The following PLEKHA5 variants were observed in gnomAD, a reference collection of about 807,000 sequenced individuals.
PLEKHA5 encodes the protein pleckstrin homology domain-containing family A member 5.
Under a neutral mutation model 181.9 loss-of-function variants are expected in PLEKHA5, and 55 were observed. That is an observed-to-expected ratio of 0.30 (90% confidence interval 0.24 to 0.38). The LOEUF is 0.38. PLEKHA5 is among the 10% of genes least tolerant of loss of function. The probability of loss-of-function intolerance (pLI) is 1.00; values close to 1 mark genes in which losing one functional copy is unlikely to be tolerated. For synonymous variants in PLEKHA5, 535 were observed against 529.4 expected (o/e 1.01, Z -0.15); for missense variants, 1,432 against 1,549.5 (o/e 0.92, Z 1.27).
chr12:19,333,219 A>T (rs1346929299), intron 20 of PLEKHA5, among the ~76,000 whole-genome samples: 3 of 152,036 alleles, frequency 2.0e-5, no homozygotes, highest in Non-Finnish European at 1.5e-5. Context: ...CAGGAGGCAG[A>T]GGTTGCGATG....
intron 30 of PLEKHA5, among the ~76,000 whole-genome samples, chr12:19,368,779 C>T (rs1336145096): frequency 6.6e-6 from 1 of 151,884 alleles, no homozygotes; most frequent in Non-Finnish European, 1.5e-5. Context: ...CAACAAAGAG[C>T]GAAATTCTGT....
intron 15 of PLEKHA5, chr12:19,306,760 A>T: frequency 1.0e-6 from 1 of 993,734 alleles, no homozygotes; most frequent in Non-Finnish European, 1.6e-6. Flanking sequence ...ACCTTTGCCA[A>T]TCGCAATCTC....
At chr12:19,194,840 A>G (rs1168431778) in intron 3 of PLEKHA5, among the ~76,000 whole-genome samples, 1 of 152,222 alleles carries the variant, frequency 6.6e-6, no homozygotes, top group African/African-American at 2.4e-5. Context: ...ATTCTACTGA[A>G]TTGGCTTTGT....
chr12:19,337,605 G>A (rs1661015745), intron 21 of PLEKHA5, among the ~76,000 whole-genome samples: 1 of 151,056 alleles, frequency 6.6e-6, no homozygotes. Context: ...GTTGCTCTGA[G>A]GAACGCAGAT....
rs925047370 is a variant in PLEKHA5 at position 19,210,970 on chromosome 12, A to G, written c.228-42970A>G. Among the ~76,000 whole-genome samples, 5 of 152,266 alleles carry G rather than the reference A, an allele frequency of 3.3e-5. No individual in the cohort carries two copies. The East Asian group carries it at 5.8e-4, about 18-fold the overall frequency. ...TTATAAATTTTAACAATGACATTCA[A>G]TAGAGTTACTGCTGTAAATCTAGAC... is the stretch of plus-strand genomic sequence containing the variant. On this transcript the variant is annotated intron_variant, in intron 3 of 31. Coordinates refer to ENST00000429027, the MANE Select transcript of PLEKHA5 (RefSeq NM_001256470.2).
rs1592654797 is a variant in PLEKHA5, at chr12:19,366,241, C to G, written c.3754+132C>G. The G allele has an allele frequency of 7.2e-6, 5 of 694,826 alleles. No homozygotes were observed. In the East Asian group the frequency reaches 1.4e-4, roughly 20 times the overall value. 43.0% of individuals were successfully genotyped at this position (694,826 alleles called of 1,614,324 possible). A position where few individuals can be genotyped will look rare whatever the true frequency, so the allele number is the denominator to read the frequency against. On this transcript the variant is annotated intron_variant, in intron 30 of 31. Transcript: ENST00000429027. ...TACAGATGAGTCAACGTTTGCCTCC[C>G]CAAGTGTACCTTCAGGAGGATGCAG...
intron 15 of PLEKHA5, among the ~76,000 whole-genome samples, chr12:19,309,184 G>A (rs191957813): frequency 4.6e-5 from 7 of 152,086 alleles, no homozygotes; most frequent in East Asian, 1.9e-4. Flanking sequence ...GGCTAATTAG[G>A]GTTTAATTAC....
In PLEKHA5 at chr12:19,245,975, CT is replaced by C. The variant is rs765435105; in HGVS notation, c.228-7951del. The stretch of plus-strand genomic sequence containing the variant: ...TTAAAGAATATATCTCATTTACTGC[CT>C]TTTTTTTTTTTTTCCTTTTTTTGAC... On this transcript the variant is annotated intron_variant, in intron 3 of 31. Coordinates refer to ENST00000429027, the MANE Select transcript of PLEKHA5 (RefSeq NM_001256470.2). Among the ~76,000 whole-genome samples, 1,173 of 136,792 alleles carry C rather than the reference CT, an allele frequency of 8.6e-3. 8 individuals carry two copies. Among genetic ancestry groups the C allele is most frequent in the African/African-American group, 0.02 (752 of 37,600 alleles). The allele number at this position is 136,792 out of a possible 152,430, so 89.7% of individuals were successfully genotyped here. A position where few individuals can be genotyped will look rare whatever the true frequency, so the allele number is the denominator to read the frequency against.
intron 3 of PLEKHA5, among the ~76,000 whole-genome samples, chr12:19,233,995 T>C (rs1292369017): frequency 2.6e-5 from 4 of 152,232 alleles, no homozygotes; most frequent in Non-Finnish European, 5.9e-5. Context: ...AAAGTTAAAC[T>C]TGTCATCAGT....
At chr12:19,317,914 A>C (rs2089460327) in intron 16 of PLEKHA5, among the ~76,000 whole-genome samples, 2 of 146,710 alleles carry the variant, frequency 1.4e-5, no homozygotes, top group Admixed American at 6.9e-5. Context: ...AAGTATTCAA[A>C]CCAAACCTTT....
At chr12:19,315,558 CAT>C (rs375338800) in intron 16 of PLEKHA5, among the ~76,000 whole-genome samples, 214 of 152,180 alleles carry the variant, frequency 1.4e-3, no homozygotes, top group Middle Eastern at 3.4e-3. Flanking sequence ...CAAAAGAAGT[CAT>C]ATGTTTCTAT....
chr12:19,132,448 A>C lies in PLEKHA5; in HGVS notation c.225A>C (p.Ile75=). Residue 75 remains isoleucine, a splice_region_variant and synonymous_variant, in exon 3 of 32, where the codon ATA becomes ATC. Transcript: ENST00000429027. ...CTTTTGAAGGTGCAAGATACTATATAAAGTGAGTTTTTTGACTTTCATTTT... is the reference window on the plus strand; with the variant it reads ...CTTTTGAAGGTGCAAGATACTATATCAAGTGAGTTTTTTGACTTTCATTTT... The part of the protein sequence containing the change: ...AYTFEGARYY[I]NHNERKVTCK... 6.5e-7 allele frequency: 1 copy of C among 1,539,476 alleles called. No individual in the cohort carries two copies. The highest frequency in any genetic ancestry group is 8.9e-7 in the Non-Finnish European group (1 of 1,125,262).
intron 12 of PLEKHA5, among the ~76,000 whole-genome samples, chr12:19,286,868 C>T (rs1050231382): frequency 3.4e-5 from 5 of 148,692 alleles, no homozygotes; most frequent in African/African-American, 7.4e-5. Context: ...TGAGAGGCTG[C>T]GGTAGGAGGA....
rs1479035443 is a variant in PLEKHA5 at position 19,203,866 on chromosome 12, T to A, written c.228-50074T>A. Among the ~76,000 whole-genome samples the A allele has an allele frequency of 2.0e-4, 31 of 152,240 alleles. No homozygotes were observed. In the East Asian group the frequency reaches 6.0e-3, roughly 29 times the overall value. On this transcript the variant is annotated intron_variant, in intron 3 of 31. Transcript: ENST00000429027. ...AGTTAGATTTTTTATTTGTTTCTTT[T>A]TAGTGAAGAATTTTCACTTTCTCAT...
chr12:19,196,379 G>C (rs186076537), intron 3 of PLEKHA5, among the ~76,000 whole-genome samples: 5 of 152,186 alleles, frequency 3.3e-5, no homozygotes, highest in African/African-American at 9.6e-5. Flanking sequence ...ACCACAAACT[G>C]TCAACAAGTA....
At chr12:19,310,376 G>A (rs544059346) in intron 15 of PLEKHA5, among the ~76,000 whole-genome samples, 7 of 148,044 alleles carry the variant, frequency 4.7e-5, no homozygotes, top group South Asian at 2.2e-4. Flanking sequence ...TTGGGAGGCC[G>A]AGGCAGGTGA....
intron 3 of PLEKHA5, among the ~76,000 whole-genome samples, chr12:19,218,951 TTTTTA>T (rs2058491884): frequency 6.6e-6 from 1 of 150,836 alleles, no homozygotes; most frequent in Admixed American, 6.6e-5. Flanking sequence ...TTAATTTTTT[TTTTTA>T]TTATACTCTA....
chr12:19,363,121 T>TG (rs1460599139), intron 29 of PLEKHA5, among the ~76,000 whole-genome samples: 1 of 77,070 alleles, frequency 1.3e-5, no homozygotes, highest in African/African-American at 2.7e-5. Context: ...TTTCTTTTTT[T>TG]GTTTTTTTTT....
At chr12:19,133,004 A>C (rs2034473684) in intron 3 of PLEKHA5, among the ~76,000 whole-genome samples, 1 of 151,142 alleles carries the variant, frequency 6.6e-6, no homozygotes, top group African/African-American at 2.4e-5. Context: ...AAGTGATGTA[A>C]AGCTAGGCAC....
Sources: allele counts gnomAD v4.1 joint callset (sites outside exome capture counted in the v4.1 genomes callset), GRCh38; gene constraint gnomAD v4.1.1; transcripts MANE v1.5; gene names NCBI Gene and HGNC (gene_info 2026-07-23, HGNC 2026-07-21).